Variants in THTPA observed in about 807,000 individuals in gnomAD.
The protein encoded by THTPA is thiamine-triphosphatase.
Under a neutral mutation model 16.5 loss-of-function variants are expected in THTPA, and 16 were observed. The observed-to-expected ratio is 0.97, with a 90% CI of 0.66 to 1.47. The LOEUF is 1.47. Among genes scored for constraint, THTPA ranks in the 40% most tolerant of loss-of-function variants. The probability of loss-of-function intolerance (pLI) is 0.00; values close to 1 mark genes in which losing one functional copy is unlikely to be tolerated. For missense variants in THTPA, 281 were observed against 280.9 expected, an observed-to-expected ratio of 1.00 and a Z score of 0.00; for synonymous variants, 110 against 115.5, an observed-to-expected ratio of 0.95 and a Z score of 0.30.
chr14:23,541,903 T>C, the THTPA span, among the ~76,000 whole-genome samples: 3 of 152,206 alleles, frequency 2.0e-5, no homozygotes, highest in African/African-American at 7.2e-5. Context: ...TCTACCTATC[T>C]CTTCTAGACC....
intron 1 of THTPA, among the ~76,000 whole-genome samples, chr14:23,558,170 C>G (rs552220032): frequency 6.6e-6 from 1 of 152,240 alleles, no homozygotes; most frequent in Non-Finnish European, 1.5e-5. Context: ...GCACTAACAA[C>G]AAGACACTGG....
the THTPA span, among the ~76,000 whole-genome samples, chr14:23,550,884 T>C: frequency 5.7e-4 from 86 of 151,700 alleles, no homozygotes; most frequent in African/African-American, 1.9e-3. Flanking sequence ...GGTTCTCCCA[T>C]CCCACAGCCG....
chr14:23,558,268 T>C (rs1665879133), intron 1 of THTPA, among the ~76,000 whole-genome samples: 1 of 152,244 alleles, frequency 6.6e-6, no homozygotes, highest in Non-Finnish European at 1.5e-5. Context: ...CCTCCTCTTC[T>C]TTCTATAGCT....
chr14:23,546,529 A>C, the THTPA span, among the ~76,000 whole-genome samples: 1 of 152,062 alleles, frequency 6.6e-6, no homozygotes, highest in African/African-American at 2.4e-5. The surrounding 1 kb of genome is among the most constrained non-coding windows in gnomAD (Gnocchi z 4.7). Flanking sequence ...ACTAGTTCCT[A>C]CATGAGGAAG....
chr14:23,559,861 G>A lies in THTPA; in HGVS notation c.*1021G>A. On this transcript the variant is annotated 3_prime_UTR_variant, in exon 2 of 2. Coordinates refer to ENST00000288014, the MANE Select transcript of THTPA (RefSeq NM_024328.6). ...TAGCCGCAGGGGGGCCTAGGAATAG[G>A]AGAGCAGGGACCAGGGTTAGCACCC... is the stretch of plus-strand genomic sequence containing the variant. The A allele has an allele frequency of 1.2e-6, 2 of 1,613,952 alleles. No homozygotes were observed. The highest frequency in any genetic ancestry group is 2.2e-5 in the East Asian group (1 of 44,878).
the THTPA span, among the ~76,000 whole-genome samples, chr14:23,548,626 A>G: frequency 6.6e-6 from 1 of 151,922 alleles, no homozygotes; most frequent in African/African-American, 2.4e-5. Flanking sequence ...CTACTTTTTC[A>G]TCTCTTTGCT....
chr14:23,529,744 G>C, the THTPA span: 1 of 1,536,286 alleles, frequency 6.5e-7, no homozygotes, highest in Non-Finnish European at 8.7e-7. Flanking sequence ...GGAAGGGCCA[G>C]TCTTGTTTTC....
the THTPA span, among the ~76,000 whole-genome samples, chr14:23,528,223 G>T: frequency 6.6e-6 from 1 of 152,146 alleles, no homozygotes; most frequent in African/African-American, 2.4e-5. Flanking sequence ...ACTCCTAATT[G>T]AAGAGGAACT....
rs1019648120 is a variant in THTPA at position 23,559,161 on chromosome 14, CT to C, written c.*322del. 1.4e-5 allele frequency: 4 copies of C among 286,746 alleles called. No individual in the cohort carries two copies. Among genetic ancestry groups the C allele is most frequent in the African/African-American group, 4.4e-5 (2 of 45,478 alleles). The allele number at this position is 286,746 out of a possible 1,614,324, so 17.8% of individuals were successfully genotyped here. A position where few individuals can be genotyped will look rare whatever the true frequency, so the allele number is the denominator to read the frequency against. ...ACAGGAAAATCCCTTGCCACCCCCC[CT>C]CCCTTGGTCGATGCCATTGATTCTG... On this transcript the variant is annotated 3_prime_UTR_variant, in exon 2 of 2. Coordinates refer to ENST00000288014, the MANE Select transcript of THTPA (RefSeq NM_024328.6).
At chr14:23,515,113 CA>C in the THTPA span, among the ~76,000 whole-genome samples, 2 of 152,030 alleles carry the variant, frequency 1.3e-5, no homozygotes, top group Admixed American at 6.5e-5. Context: ...CCTAGGAGAG[CA>C]AAAGGAGGTG....
chr14:23,548,198 G>A, the THTPA span, among the ~76,000 whole-genome samples: 8 of 151,954 alleles, frequency 5.3e-5, no homozygotes, highest in Non-Finnish European at 8.8e-5. Context: ...CTCCTCTTCC[G>A]TCTCTGCCTG....
chr14:23,549,746 T>C, the THTPA span, among the ~76,000 whole-genome samples: 3 of 152,330 alleles, frequency 2.0e-5, no homozygotes, highest in Admixed American at 1.3e-4. Flanking sequence ...CACTGACTGA[T>C]GGAGGGGTTA....
At chr14:23,526,146 G>A in the THTPA span, 1 of 1,536,468 alleles carries the variant, frequency 6.5e-7, no homozygotes, top group Non-Finnish European at 8.7e-7. Flanking sequence ...GACCGCATGT[G>A]GATCTCCAGG....
chr14:23,557,382 G>T, intron 1 of THTPA, 78 bp downstream of exon 1: 2 of 1,415,534 alleles, frequency 1.4e-6, no homozygotes, highest in Non-Finnish European at 1.8e-6. Flanking sequence ...ACCATGCAGT[G>T]GGGGAGGGCC....
intron 1 of THTPA, among the ~76,000 whole-genome samples, chr14:23,558,273 A>T (rs575224997): frequency 6.6e-6 from 1 of 152,300 alleles, no homozygotes; most frequent in South Asian, 2.1e-4. Flanking sequence ...TCTTCTTTCT[A>T]TAGCTCTTGG....
chr14:23,551,805 G>T (rs1230734407), upstream of THTPA, among the ~76,000 whole-genome samples: 1 of 152,136 alleles, frequency 6.6e-6, no homozygotes, highest in Non-Finnish European at 1.5e-5. The surrounding 1 kb of genome is among the most constrained non-coding windows in gnomAD (Gnocchi z 5.3). Context: ...CACTGAGCAG[G>T]TGCAGCGACC....
In THTPA at chr14:23,559,917, G is replaced by A. The variant is rs1427242599; in HGVS notation, c.*1077G>A. 1 of 1,611,252 alleles carries A rather than the reference G, an allele frequency of 6.2e-7. No individual in the cohort carries two copies. The highest frequency in any genetic ancestry group is 8.5e-7 in the Non-Finnish European group (1 of 1,177,852). On this transcript the variant is annotated 3_prime_UTR_variant, in exon 2 of 2. Coordinates refer to ENST00000288014, the MANE Select transcript of THTPA (RefSeq NM_024328.6). ...TTCTTCTATCCCTGGGTCTTGTCTT[G>A]GGGGAACTCCTGAAGCTCACCTTGT...
At chr14:23,531,449 CA>C in the THTPA span, 5 of 1,375,080 alleles carry the variant, frequency 3.6e-6, no homozygotes, top group Admixed American at 3.0e-5. Context: ...CCTCCCTGCC[CA>C]GCTCTTATTC....
At position 23,558,745 on chromosome 14, in the gene THTPA, C is replaced by A; in HGVS notation, c.598C>A (p.Arg200Ser). Reference protein sequence around the residue: ...APAKLIVYLQRFRPQDYQRLL... With the variant: ...APAKLIVYLQSFRPQDYQRLL... ...AGCCAAGCTGATTGTGTATCTACAGCGTTTCCGGCCTCAAGACTATCAGCG... is the reference window on the plus strand; with the variant it reads ...AGCCAAGCTGATTGTGTATCTACAGAGTTTCCGGCCTCAAGACTATCAGCG... Residue 200 changes from arginine to serine, a missense_variant, in exon 2 of 2, where the codon CGT becomes AGT. Transcript: ENST00000288014. 3 of 1,614,216 alleles carry A rather than the reference C, an allele frequency of 1.9e-6. No individual in the cohort carries two copies. Among genetic ancestry groups the A allele is most frequent in the Non-Finnish European group, 2.5e-6 (3 of 1,180,040 alleles).
Sources: gnomAD v4.1 joint callset for allele counts (sites outside exome capture counted in the v4.1 genomes callset) on GRCh38, gnomAD v4.1.1 for gene constraint, Gnocchi (gnomAD v3.1) non-coding constraint, MANE v1.5 for transcripts, NCBI Gene and HGNC (gene_info 2026-07-23, HGNC 2026-07-21) for gene names.